PCDHGA6: variants seen among roughly 807,000 people sequenced by gnomAD.
The protein encoded by PCDHGA6 is protocadherin gamma-A6.
PCDHGA6 carries 41 observed loss-of-function variants against 60.6 expected under a neutral mutation model. The observed-to-expected ratio is 0.68, with a 90% CI of 0.53 to 0.88. PCDHGA6 has a LOEUF of 0.88. Ranked by LOEUF, PCDHGA6 falls within the 40% of genes least tolerant of loss-of-function variation. The pLI, the probability that PCDHGA6 is intolerant of heterozygous loss-of-function variation, is 0.00. For synonymous variants in PCDHGA6, 594 were observed against 524.4 expected, an observed-to-expected ratio of 1.13 and a Z score of -1.81; for missense variants, 1,312 against 1,203.0, an observed-to-expected ratio of 1.09 and a Z score of -1.34.
Position 141,476,242 on chromosome 5 carries a change from G to T in PCDHGA6, c.2425-18565G>T. ...ACTATGAGATCCCGGAGGAAAGAGA[G>T]AAGGGTTTCGCTGTGGGCAACGTGG... is the stretch of plus-strand genomic sequence containing the variant. On this transcript the variant is annotated intron_variant, in intron 1 of 3. Coordinates refer to ENST00000517434, the MANE Select transcript of PCDHGA6 (RefSeq NM_018919.3). The surrounding 1 kb of genome is among the most constrained non-coding windows in gnomAD (Gnocchi z 7.6). 6.2e-7 allele frequency: 1 copy of T among 1,614,100 alleles called. No individual in the cohort carries two copies.
chr5:141,408,243 G>A lies in PCDHGA6; in HGVS notation c.2424+31736G>A, dbSNP rs372221747. ...GCGCAGAGGCGCCGGGCCGGCCCGC[G>A]GCAGGTGCTATTTCCTTTGCTGCTG... On this transcript the variant is annotated intron_variant, in intron 1 of 3. Transcript: ENST00000517434. 7 of 1,583,996 alleles carry A rather than the reference G, an allele frequency of 4.4e-6. 1 individual carries two copies. The highest frequency in any genetic ancestry group is 5.2e-6 in the Non-Finnish European group (6 of 1,164,814).
chr5:141,431,225 C>A lies in PCDHGA6; in HGVS notation c.2424+54718C>A. On this transcript the variant is annotated intron_variant, in intron 1 of 3. Coordinates refer to ENST00000517434, the MANE Select transcript of PCDHGA6 (RefSeq NM_018919.3). The surrounding 1 kb of genome is among the most constrained non-coding windows in gnomAD (Gnocchi z 4.8). ...CACTGAGATGCGGTTCCCTCTACCC[C>A]ACGCCTGGGATCCGGATATCGGGAA... The A allele has an allele frequency of 1.2e-6, 2 of 1,614,118 alleles. No individual in the cohort carries two copies. The highest frequency in any genetic ancestry group is 1.7e-6 in the Non-Finnish European group (2 of 1,180,036).
At chr5:141,384,943 G>T in intron 1 of PCDHGA6, 1 of 1,613,996 alleles carries the variant, frequency 6.2e-7, no homozygotes, top group Non-Finnish European at 8.5e-7. Flanking sequence ...TGAGCCCTCC[G>T]ACGGTCCTTA....
chr5:141,427,742 C>T, intron 1 of PCDHGA6: 2 of 1,247,208 alleles, frequency 1.6e-6, no homozygotes, highest in Non-Finnish European at 2.3e-6. Context: ...GCCAAGTCTC[C>T]TACTCCATCG....
At chr5:141,403,102 G>T (rs765706858) in intron 1 of PCDHGA6, 1 of 1,614,046 alleles carries the variant, frequency 6.2e-7, no homozygotes, top group Admixed American at 1.7e-5. Context: ...ACATCTCCAA[G>T]GACCTGGCTC....
chr5:141,378,321 G>C (rs1295221856), intron 1 of PCDHGA6: 1 of 152,218 alleles, frequency 6.6e-6, no homozygotes, highest in African/African-American at 2.4e-5. Context: ...TCAGGAGTTC[G>C]AGACCAGCCT....
chr5:141,453,214 A>T (rs1174586625), intron 1 of PCDHGA6, among the ~76,000 whole-genome samples: 2 of 152,058 alleles, frequency 1.3e-5, no homozygotes, highest in African/African-American at 4.8e-5. Flanking sequence ...CGTGCACTTA[A>T]GCGATCCTCC....
intron 1 of PCDHGA6, chr5:141,426,908 G>C (rs1047101179): frequency 8.8e-6 from 4 of 456,612 alleles, no homozygotes; most frequent in African/African-American, 6.0e-5. Context: ...CTCATCTCCT[G>C]GTCCTGGAAG....
Position 141,431,592 on chromosome 5 carries a change from G to A in PCDHGA6, c.2424+55085G>A, listed in dbSNP as rs1429358254. 2.5e-6 allele frequency: 4 copies of A among 1,614,100 alleles called. No individual in the cohort carries two copies. The Admixed American group carries it at 6.7e-5, about 27-fold the overall frequency. The stretch of plus-strand genomic sequence containing the variant: ...GACGAAGGAGTCAATGCGGAAGTGA[G>A]GTATTCCTTCCGGTATGTGGACGAC... On this transcript the variant is annotated intron_variant, in intron 1 of 3. Transcript: ENST00000517434. The surrounding 1 kb of genome is among the most constrained non-coding windows in gnomAD (Gnocchi z 4.8).
chr5:141,478,013 C>G (rs768425714), intron 1 of PCDHGA6: 6 of 1,614,136 alleles, frequency 3.7e-6, no homozygotes. Flanking sequence ...TACTGCCCGT[C>G]CAGTCCAAGA....
chr5:141,477,861 G>T lies in PCDHGA6; in HGVS notation c.2425-16946G>T. 6.2e-7 allele frequency: 1 copy of T among 1,612,714 alleles called. No homozygotes were observed. Among genetic ancestry groups the T allele is most frequent in the Non-Finnish European group, 8.5e-7 (1 of 1,179,590 alleles). ...GGGAGCTCGGTGGAGATGCTGCCTC[G>T]AGGTACCTCAGCTGGCCACCTAGTG... On this transcript the variant is annotated intron_variant, in intron 1 of 3. Coordinates refer to ENST00000517434, the MANE Select transcript of PCDHGA6 (RefSeq NM_018919.3). This position sits in a 1 kb window ranked among gnomAD's most constrained non-coding sequence, Gnocchi z 4.9.
intron 1 of PCDHGA6, chr5:141,408,923 G>C: frequency 6.2e-7 from 1 of 1,613,488 alleles, no homozygotes; most frequent in Non-Finnish European, 8.5e-7. Flanking sequence ...TAACCCCCCG[G>C]TTTTCAGCAG....
intron 1 of PCDHGA6, chr5:141,410,439 G>C: frequency 6.2e-7 from 1 of 1,614,008 alleles, no homozygotes; most frequent in Non-Finnish European, 8.5e-7. Context: ...TACAGTGAGG[G>C]GACTTTGCCT....
At chr5:141,443,442 C>T (rs571341362) in intron 1 of PCDHGA6, among the ~76,000 whole-genome samples, 9 of 152,202 alleles carry the variant, frequency 5.9e-5, no homozygotes, top group East Asian at 1.9e-4. Context: ...GCTGTGGTTG[C>T]GCTCCTGTAC....
rs2096260633 is a variant in PCDHGA6 at position 141,418,459 on chromosome 5, G to C, written c.2424+41952G>C. 2.5e-6 allele frequency: 4 copies of C among 1,613,992 alleles called. No homozygotes were observed. In the East Asian group the frequency reaches 6.7e-5, roughly 27 times the overall value. ...CAGAATTAGTATTGCAGAAGACTCT[G>C]GACCGAGAAACGCAGAGCGCTCACC... On this transcript the variant is annotated intron_variant, in intron 1 of 3. Transcript: ENST00000517434.
chr5:141,489,666 C>A lies in PCDHGA6; in HGVS notation c.2425-5141C>A. On this transcript the variant is annotated intron_variant, in intron 1 of 3. Transcript: ENST00000517434. The surrounding 1 kb of genome is among the most constrained non-coding windows in gnomAD (Gnocchi z 4.5). ...CCACCCCTGAGCGAGAGATGCGCAT[C>A]TCAGAATCAGCAGCATCTGGGGCAC... 1.2e-6 allele frequency: 2 copies of A among 1,614,222 alleles called. No homozygotes were observed. Among genetic ancestry groups the A allele is most frequent in the Non-Finnish European group, 1.7e-6 (2 of 1,180,036 alleles).
intron 1 of PCDHGA6, among the ~76,000 whole-genome samples, chr5:141,437,156 G>A (rs2097864365): frequency 6.6e-6 from 1 of 152,172 alleles, no homozygotes. Flanking sequence ...TAACATATGT[G>A]TTGATTGTTT....
chr5:141,393,730 G>C lies in PCDHGA6; in HGVS notation c.2424+17223G>C, dbSNP rs546435108. On this transcript the variant is annotated intron_variant, in intron 1 of 3. Transcript: ENST00000517434. The stretch of plus-strand genomic sequence containing the variant: ...ACTGGGGAAATATCAATAGCAAAAA[G>C]TCTAGATTATGAAGAATGTTCATTT... 3 of 1,613,844 alleles carry C rather than the reference G, an allele frequency of 1.9e-6. No individual in the cohort carries two copies. In the South Asian group the frequency reaches 3.3e-5, roughly 18 times the overall value.
At position 141,432,436 on chromosome 5, in the gene PCDHGA6, G is replaced by C; in HGVS notation, c.2424+55929G>C. ...TCGTGCTGGACCAGAACGACAATGC[G>C]CCCGAGATCCTGTACCCCGCCCTCC... On this transcript the variant is annotated intron_variant, in intron 1 of 3. Transcript: ENST00000517434. This position sits in a 1 kb window ranked among gnomAD's most constrained non-coding sequence, Gnocchi z 6.0. 1 of 1,614,196 alleles carries C rather than the reference G, an allele frequency of 6.2e-7. No individual in the cohort carries two copies. Among genetic ancestry groups the C allele is most frequent in the Middle Eastern group, 1.6e-4 (1 of 6,062 alleles).
Sources: gnomAD v4.1 joint callset for allele counts (sites outside exome capture counted in the v4.1 genomes callset) on GRCh38, gnomAD v4.1.1 for gene constraint, Gnocchi (gnomAD v3.1) non-coding constraint, MANE v1.5 for transcripts, NCBI Gene and HGNC (gene_info 2026-07-23, HGNC 2026-07-21) for gene names.